AHDC1: variants seen among roughly 807,000 people sequenced by gnomAD.
AHDC1 encodes the protein AT-hook DNA binding motif containing 1.
Under a neutral mutation model 87.9 loss-of-function variants are expected in AHDC1, and 7 were observed. The observed-to-expected ratio is 0.08, with a 90% CI of 0.05 to 0.15. The LOEUF (loss-of-function observed/expected upper bound fraction) is 0.15, where lower values mean the gene tolerates loss of function less well. Ranked by LOEUF, AHDC1 falls within the 10% of genes least tolerant of loss-of-function variation. The probability of loss-of-function intolerance (pLI) is 1.00; values close to 1 mark genes in which losing one functional copy is unlikely to be tolerated. For synonymous variants in AHDC1, 1,051 were observed against 1,006.8 expected (o/e 1.04, Z -0.83); for missense variants, 1,841 against 2,253.2 (o/e 0.82, Z 3.70).
rs2148276632 is a variant in AHDC1 at position 27,549,541 on chromosome 1, C to T, written c.2575G>A (p.Ala859Thr). 1 of 1,613,264 alleles carries T rather than the reference C, an allele frequency of 6.2e-7. No homozygotes were observed. Among genetic ancestry groups the T allele is most frequent in the Non-Finnish European group, 8.5e-7 (1 of 1,179,990 alleles). The change falls in exon 8 of 9, where the codon GCC becomes ACC. Residue 859 changes from alanine (A) to threonine (T), a missense_variant. Physicochemically the swap from Ala to Thr is moderately conservative, Grantham distance 58. This residue lies in a region of AHDC1 where 378 missense variants were observed against 399.0 expected (regional missense o/e 0.95). Transcript: ENST00000673934. ...SSDLLDFALS[A>T]SRPESRKASG... Reference sequence around the variant, plus strand: ...GCCTTCCGGGACTCTGGGCGAGAGGCTGAGAGGGCAAAGTCCAAGAGATCG... The same window carrying T: ...GCCTTCCGGGACTCTGGGCGAGAGGTTGAGAGGGCAAAGTCCAAGAGATCG...
Position 27,548,723 on chromosome 1 carries a change from A to G in AHDC1, c.3393T>C (p.Ser1131=), listed in dbSNP as rs955928205. The G allele has an allele frequency of 1.2e-6, 2 of 1,613,114 alleles. No homozygotes were observed. The highest frequency in any genetic ancestry group is 2.7e-5 in the African/African-American group (2 of 74,898). Residue 1131 remains serine (S), a synonymous_variant, in exon 8 of 9, where the codon AGT becomes AGC. Coordinates refer to ENST00000673934, the MANE Select transcript of AHDC1 (RefSeq NM_001371928.1). ...TGGGCTCGCTGACGTGGCAGTCAAA[A>G]CTGGGATTGTAGAGCTGACTAAAGG... ...SEAFSQLYNP[S]FDCHVSEPNV...
chr1:27,547,233 C>T lies in AHDC1; in HGVS notation c.*43+28G>A. 1 of 1,439,136 alleles carries T rather than the reference C, an allele frequency of 6.9e-7. No homozygotes were observed. Among genetic ancestry groups the T allele is most frequent in the Non-Finnish European group, 9.3e-7 (1 of 1,072,220 alleles). 89.1% of individuals were successfully genotyped at this position (1,439,136 alleles called of 1,614,324 possible). On this transcript the variant is annotated intron_variant, in intron 8 of 8. Transcript: ENST00000673934. This position sits in a 1 kb window ranked among gnomAD's most constrained non-coding sequence, Gnocchi z 4.9. ...TCCTCTTCCCACCCCCAGGCCTCTG[C>T]CCACTGCGCCCACATCCCCAGACTC...
At chr1:27,574,079 G>A (rs1437024178) in intron 3 of AHDC1, among the ~76,000 whole-genome samples, 1 of 152,168 alleles carries the variant, frequency 6.6e-6, no homozygotes, top group African/African-American at 2.4e-5. Context: ...TTTGAATCTG[G>A]GTATCTGGCA....
At chr1:27,566,486 G>A (rs1355677915) in intron 3 of AHDC1, among the ~76,000 whole-genome samples, 1 of 151,932 alleles carries the variant, frequency 6.6e-6, no homozygotes, top group Admixed American at 6.5e-5. Flanking sequence ...TGAGGAGTCT[G>A]CACAGACAGG....
chr1:27,569,824 C>A (rs541047899), intron 3 of AHDC1, among the ~76,000 whole-genome samples: 157 of 152,166 alleles, frequency 1.0e-3, no homozygotes, highest in African/African-American at 3.7e-3. Context: ...CAGGCCTGGA[C>A]CCTCCCCTAG....
chr1:27,548,105 C>T lies in AHDC1; in HGVS notation c.4011G>A (p.Glu1337=), dbSNP rs2019286001. 1.9e-6 allele frequency: 3 copies of T among 1,613,824 alleles called. No individual in the cohort carries two copies. Among genetic ancestry groups the T allele is most frequent in the East Asian group, 2.2e-5 (1 of 44,892 alleles). The change falls in exon 8 of 9, where the codon GAG becomes GAA. Residue 1337 remains glutamate (E), a synonymous_variant. Transcript: ENST00000673934. ...GTCCTATGAAGTCACAGGGGTCTCG[C>T]TCTCCCACGCCGAAGGCCCTCGACT... ...PSQSRAFGVG[E]RDPCDFIGPY...
At chr1:27,552,584 A>T (rs1007134714) in intron 7 of AHDC1, 1 of 153,562 alleles carries the variant, frequency 6.5e-6, no homozygotes, top group African/African-American at 2.4e-5. Context: ...TTTAGTAGAG[A>T]CGGGGTTTCA....
intron 8 of AHDC1, among the ~76,000 whole-genome samples, chr1:27,540,452 T>G (rs1225711753): frequency 3.6e-5 from 5 of 139,990 alleles, no homozygotes; most frequent in African/African-American, 8.0e-5. Flanking sequence ...AGACACTGGG[T>G]GGGGGAGGGG....
Position 27,540,627 on chromosome 1 carries a change from T to C in AHDC1, c.*44-5711A>G, listed in dbSNP as rs138628894. 2.2e-3 allele frequency among the ~76,000 whole-genome samples: 328 copies of C among 151,856 alleles called. 2 individuals are homozygous for C. Among genetic ancestry groups the C allele is most frequent in the Non-Finnish European group, 3.6e-3 (244 of 67,926 alleles). On this transcript the variant is annotated intron_variant, in intron 8 of 8. Coordinates refer to ENST00000673934, the MANE Select transcript of AHDC1 (RefSeq NM_001371928.1). The stretch of plus-strand genomic sequence containing the variant: ...GAGGAAGTGATGTCTGAGTGAAAGA[T>C]AGGAACTGACAGGTGGGAGATGGGG...
chr1:27,566,946 AG>A (rs1423746797), intron 3 of AHDC1, among the ~76,000 whole-genome samples: 2 of 151,800 alleles, frequency 1.3e-5, no homozygotes, highest in Non-Finnish European at 2.9e-5. Flanking sequence ...AGGCAGGGTA[AG>A]GAAGAAGCCT....
rs1215374499 is a variant in AHDC1, at chr1:27,547,015, T to G, written c.*43+246A>C. Among the ~76,000 whole-genome samples, 1 of 152,048 alleles carries G rather than the reference T, an allele frequency of 6.6e-6. No homozygotes were observed. Among genetic ancestry groups the G allele is most frequent in the Non-Finnish European group, 1.5e-5 (1 of 68,018 alleles). On this transcript the variant is annotated intron_variant, in intron 8 of 8. Transcript: ENST00000673934. This position sits in a 1 kb window ranked among gnomAD's most constrained non-coding sequence, Gnocchi z 4.9. Reference sequence around the variant, plus strand: ...TCCAGTGTGTAGTCCTCTGGCCATTTCAATTCACAAGACCCCCCCGAACGT... The same window carrying G: ...TCCAGTGTGTAGTCCTCTGGCCATTGCAATTCACAAGACCCCCCCGAACGT...
At chr1:27,580,101 T>G (rs1415284679) in intron 3 of AHDC1, among the ~76,000 whole-genome samples, 1 of 152,176 alleles carries the variant, frequency 6.6e-6, no homozygotes, top group Non-Finnish European at 1.5e-5. Flanking sequence ...TCAAGGCCCA[T>G]GGGCCCTTCT....
chr1:27,600,308 G>A (rs1188676082), intron 3 of AHDC1, among the ~76,000 whole-genome samples: 2 of 151,958 alleles, frequency 1.3e-5, no homozygotes, highest in Admixed American at 6.5e-5. Context: ...AGACCCAGGG[G>A]ACCCAGAGAC....
chr1:27,541,413 G>A (rs1178000488), intron 8 of AHDC1, among the ~76,000 whole-genome samples: 1 of 152,022 alleles, frequency 6.6e-6, no homozygotes, highest in Non-Finnish European at 1.5e-5. Flanking sequence ...CCGGCTCCAG[G>A]GTTCAAGCAA....
chr1:27,550,758 G>A lies in AHDC1; in HGVS notation c.1358C>T (p.Pro453Leu), dbSNP rs370503329. The change falls in exon 8 of 9, where the codon CCG (proline) becomes CTG (leucine). Residue 453 changes from proline to leucine, a missense_variant. Coordinates refer to ENST00000673934, the MANE Select transcript of AHDC1 (RefSeq NM_001371928.1). Reference sequence around the variant, plus strand: ...GACCACTGGGGTCTGGGAAGATTCCGGCTTCAACTCTGGGACTGAGACCGG... The same window carrying A: ...GACCACTGGGGTCTGGGAAGATTCCAGCTTCAACTCTGGGACTGAGACCGG... Reference protein sequence around the residue: ...PGPVSVPELKPESSQTPVVST... With the variant: ...PGPVSVPELKLESSQTPVVST... The A allele has an allele frequency of 4.2e-5, 66 of 1,576,826 alleles. No homozygotes were observed. The South Asian group carries it at 4.4e-4, about 10-fold the overall frequency.
chr1:27,534,665 T>G lies in AHDC1; in HGVS notation c.*295A>C, dbSNP rs1423519587. On this transcript the variant is annotated 3_prime_UTR_variant, in exon 9 of 9. Coordinates refer to ENST00000673934, the MANE Select transcript of AHDC1 (RefSeq NM_001371928.1). ...CTCTCTCGCTCTCTCTCTCTCTTTTTTTTTTTTGTCTTTTTCTAAAACTGT... is the reference window on the plus strand; with the variant it reads ...CTCTCTCGCTCTCTCTCTCTCTTTTGTTTTTTTGTCTTTTTCTAAAACTGT... The G allele has an allele frequency of 6.6e-6, 1 of 152,508 alleles. No homozygotes were observed. 9.4% of individuals were successfully genotyped at this position (152,508 alleles called of 1,614,324 possible).
chr1:27,566,103 T>C (rs1160172782), intron 3 of AHDC1, among the ~76,000 whole-genome samples: 2 of 151,956 alleles, frequency 1.3e-5, no homozygotes, highest in Non-Finnish European at 2.9e-5. Context: ...TGGTAGGAAA[T>C]AGAGTAAGGA....
intron 3 of AHDC1, among the ~76,000 whole-genome samples, chr1:27,569,176 A>G (rs914710170): frequency 1.3e-5 from 2 of 151,542 alleles, no homozygotes; most frequent in Non-Finnish European, 2.9e-5. Context: ...TCTCCCTCAT[A>G]TGGTCTATAG....
At position 27,551,816 on chromosome 1, in the gene AHDC1, C is replaced by T. The variant is rs148116899; in HGVS notation, c.300G>A (p.Pro100=). ...GTCGGGAGCTGCTGCCGTCTCCGAC[C>T]GGTGTGGGGCAGCGGGCCTGTGAGA... ...RPVSQARCPT[P]VGDGSSSRRC... is the part of the protein sequence containing the mutation. Residue 100 remains proline, a synonymous_variant, in exon 8 of 9, where the codon CCG becomes CCA. Coordinates refer to ENST00000673934, the MANE Select transcript of AHDC1 (RefSeq NM_001371928.1). 26 of 1,611,946 alleles carry T rather than the reference C, an allele frequency of 1.6e-5. No homozygotes were observed. Among genetic ancestry groups the T allele is most frequent in the Admixed American group, 6.7e-5 (4 of 59,980 alleles).
Sources: gnomAD v4.1 joint callset for allele counts (sites outside exome capture counted in the v4.1 genomes callset) on GRCh38, gnomAD v4.1.1 for gene constraint, gnomAD v4.1.1 regional missense constraint, Gnocchi (gnomAD v3.1) non-coding constraint, MANE v1.5 for transcripts, NCBI Gene and HGNC (gene_info 2026-07-23, HGNC 2026-07-21) for gene names.